The following ZSWIM3 variants were observed in gnomAD, a reference collection of about 807,000 sequenced individuals.
ZSWIM3 encodes zinc finger SWIM-type containing 3.
ZSWIM3 carries 27 observed loss-of-function variants against 47.5 expected under a neutral mutation model. That is an observed-to-expected ratio of 0.57 (90% confidence interval 0.42 to 0.78). The LOEUF (loss-of-function observed/expected upper bound fraction) is 0.78. ZSWIM3 is among the 30% of genes least tolerant of loss of function. The pLI is 0.00. For missense variants in ZSWIM3, 689 were observed against 861.3 expected (o/e 0.80, Z 2.50); for synonymous variants, 333 against 333.9 (o/e 1.00, Z 0.03).
At chr20:45,858,700 GAGCTCCTTAT>G (rs929699989) in intron 1 of ZSWIM3, among the ~76,000 whole-genome samples, 5 of 152,168 alleles carry the variant, frequency 3.3e-5, no homozygotes, top group African/African-American at 1.2e-4. Flanking sequence ...AATGGTTTTT[GAGCTCCTTAT>G]ATTAACCGTT....
chr20:45,878,014 C>T lies in ZSWIM3; in HGVS notation c.1456C>T (p.Gln486Ter), dbSNP rs1158427763. The T allele has an allele frequency of 1.2e-6, 2 of 1,614,062 alleles. No individual in the cohort carries two copies. Among genetic ancestry groups the T allele is most frequent in the South Asian group, 1.1e-5 (1 of 91,092 alleles). ...GCAGGTACAGGTACAGCAGCAGTCA[C>T]AAGTGCCGCCCTCGCAGGTTGGCAT... is the stretch of plus-strand genomic sequence containing the variant. ...AQQVQVQQQS[Q>*]VPPSQVGMLD... Residue 486 changes from glutamine to a stop codon, truncating the protein, a stop_gained, in exon 2 of 2, where the codon CAA (glutamine) becomes TAA (stop). Transcript: ENST00000255152. LOFTEE classifies it high-confidence loss of function.
intron 1 of ZSWIM3, among the ~76,000 whole-genome samples, chr20:45,860,510 CA>C (rs59152975): frequency 0.032 from 3,262 of 101,848 alleles, 11 homozygotes; most frequent in South Asian, 0.073. Context: ...GACTCCATCT[CA>C]AAAAAAAAAA....
At position 45,876,996 on chromosome 20, in the gene ZSWIM3, T is replaced by G. The variant is rs1170781467; in HGVS notation, c.438T>G (p.Val146=). The part of the protein sequence containing the change: ...KDLDTAEKSL[V]EPSFCLDKVQ... Reference sequence around the variant, plus strand: ...TTGACACTGCCGAGAAGTCCCTGGTTGAGCCATCGTTTTGCCTAGATAAGG... The same window carrying G: ...TTGACACTGCCGAGAAGTCCCTGGTGGAGCCATCGTTTTGCCTAGATAAGG... Residue 146 remains valine, a synonymous_variant, in exon 2 of 2, where the codon GTT becomes GTG. Transcript: ENST00000255152. 3 of 1,614,024 alleles carry G rather than the reference T, an allele frequency of 1.9e-6. No homozygotes were observed. Among genetic ancestry groups the G allele is most frequent in the Non-Finnish European group, 2.5e-6 (3 of 1,180,032 alleles).
chr20:45,862,285 T>A (rs958414059), intron 1 of ZSWIM3, among the ~76,000 whole-genome samples: 2 of 142,742 alleles, frequency 1.4e-5, no homozygotes, highest in Non-Finnish European at 3.1e-5. Flanking sequence ...GTAGCTGAGA[T>A]TACAGGCACG....
chr20:45,864,429 T>C (rs1331164330), intron 1 of ZSWIM3, among the ~76,000 whole-genome samples: 1 of 152,138 alleles, frequency 6.6e-6, no homozygotes, highest in African/African-American at 2.4e-5. Context: ...GGGAAATGTT[T>C]TTAGGAGGTA....
rs1837159528 is a variant in ZSWIM3 at position 45,857,708 on chromosome 20, C to A, written c.-118C>A. ...AATAGGCCACCCAGTTGGGGCGGAC[C>A]CTTAAGGCATTCTGGGCCCACGCCT... On this transcript the variant is annotated 5_prime_UTR_variant, in exon 1 of 2. Transcript: ENST00000255152. 1.5e-6 allele frequency: 2 copies of A among 1,304,956 alleles called. No individual in the cohort carries two copies. Among genetic ancestry groups the A allele is most frequent in the Admixed American group, 2.2e-5 (1 of 45,024 alleles). The allele number at this position is 1,304,956 out of a possible 1,614,324, so 80.8% of individuals were successfully genotyped here.
chr20:45,879,039 T>G lies in ZSWIM3; in HGVS notation c.*390T>G, dbSNP rs147795408. ...TTTTCAGGGACAAAGGGAATGAGGATGATCTTTGGCTGTTGCTGCTCTTTA... is the reference window on the plus strand; with the variant it reads ...TTTTCAGGGACAAAGGGAATGAGGAGGATCTTTGGCTGTTGCTGCTCTTTA... On this transcript the variant is annotated 3_prime_UTR_variant, in exon 2 of 2. Coordinates refer to ENST00000255152, the MANE Select transcript of ZSWIM3 (RefSeq NM_080752.4). 5.7e-6 allele frequency: 1 copy of G among 176,512 alleles called. No homozygotes were observed. Among genetic ancestry groups the G allele is most frequent in the East Asian group, 1.6e-4 (1 of 6,404 alleles). The allele number at this position is 176,512 out of a possible 1,614,324, so 10.9% of individuals were successfully genotyped here.
At position 45,878,311 on chromosome 20, in the gene ZSWIM3, CAGA is replaced by C. The variant is rs1197676572; in HGVS notation, c.1759_1761del (p.Lys587del). ...TGAAGCCATGGTGTGCCGCCGGTGG[CAGA>C]AGAAGTACCAGTACCTCCTTGGGCC... On this transcript the variant is annotated inframe_deletion, in exon 2 of 2. Coordinates refer to ENST00000255152, the MANE Select transcript of ZSWIM3 (RefSeq NM_080752.4). 11 of 1,614,120 alleles carry C rather than the reference CAGA, an allele frequency of 6.8e-6. No homozygotes were observed. The highest frequency in any genetic ancestry group is 2.2e-5 in the East Asian group (1 of 44,904).
chr20:45,871,902 C>G (rs189190583), intron 1 of ZSWIM3, among the ~76,000 whole-genome samples: 1 of 151,316 alleles, frequency 6.6e-6, no homozygotes, highest in Admixed American at 6.6e-5. Context: ...GTTTAGAGAT[C>G]CTTAAGGAAG....
At chr20:45,867,117 G>C (rs368857861) in intron 1 of ZSWIM3, among the ~76,000 whole-genome samples, 1 of 146,596 alleles carries the variant, frequency 6.8e-6, no homozygotes, top group Non-Finnish European at 1.5e-5. Context: ...AGCAATTCTC[G>C]TGCCTCAGCC....
At chr20:45,871,119 CA>C (rs1985965431) in intron 1 of ZSWIM3, among the ~76,000 whole-genome samples, 1 of 152,268 alleles carries the variant, frequency 6.6e-6, no homozygotes, top group East Asian at 1.9e-4. Context: ...TATTGAAGCA[CA>C]GACATCTTTT....
intron 1 of ZSWIM3, among the ~76,000 whole-genome samples, chr20:45,873,414 A>T (rs541831619): frequency 6.6e-6 from 1 of 152,198 alleles, no homozygotes; most frequent in African/African-American, 2.4e-5. Context: ...AAAAAAAAGC[A>T]TCTGCTGAAG....
rs534840799 is a variant in ZSWIM3, at chr20:45,876,531, G to A, written c.156-183G>A. Among the ~76,000 whole-genome samples the A allele has an allele frequency of 2.0e-5, 3 of 151,866 alleles. No individual in the cohort carries two copies. The South Asian group carries it at 6.2e-4, about 32-fold the overall frequency. On this transcript the variant is annotated intron_variant, in intron 1 of 1. Transcript: ENST00000255152. ...TTTTTAAATTTTTTGTAGAGCCAGG[G>A]TCTCTCCATGTTGCCCAGGCTGGTC...
At chr20:45,871,776 G>C in intron 1 of ZSWIM3, among the ~76,000 whole-genome samples, 1 of 150,858 alleles carries the variant, frequency 6.6e-6, no homozygotes, top group Admixed American at 6.7e-5. Context: ...CAGAAGAATT[G>C]CTTGAACCCA....
At position 45,857,796 on chromosome 20, in the gene ZSWIM3, C is replaced by T. The variant is rs1371941701; in HGVS notation, c.-30C>T. 1 of 1,609,546 alleles carries T rather than the reference C, an allele frequency of 6.2e-7. No homozygotes were observed. The highest frequency in any genetic ancestry group is 8.5e-7 in the Non-Finnish European group (1 of 1,177,090). On this transcript the variant is annotated 5_prime_UTR_variant, in exon 1 of 2. Coordinates refer to ENST00000255152, the MANE Select transcript of ZSWIM3 (RefSeq NM_080752.4). ...TGTGATCTTGGGCCCGGGCTGGGAC[C>T]AGCCCCTAGTGTGGGTTGTGGGGGC...
chr20:45,869,879 A>G (rs940534372), intron 1 of ZSWIM3, among the ~76,000 whole-genome samples: 4 of 150,944 alleles, frequency 2.6e-5, no homozygotes, highest in African/African-American at 4.9e-5. Context: ...CCCCATCTCT[A>G]CTAAAACTAC....
intron 1 of ZSWIM3, among the ~76,000 whole-genome samples, chr20:45,864,633 C>T (rs79831250): frequency 0.018 from 2,680 of 152,134 alleles, 77 homozygotes; most frequent in South Asian, 0.11. Context: ...GAGGTCGAGG[C>T]GGGCGGATCA....
At position 45,877,248 on chromosome 20, in the gene ZSWIM3, G is replaced by A. The variant is rs769794234; in HGVS notation, c.690G>A (p.Gln230=). The A allele has an allele frequency of 6.2e-7, 1 of 1,614,118 alleles. No individual in the cohort carries two copies. The highest frequency in any genetic ancestry group is 1.7e-5 in the Admixed American group (1 of 60,006). The stretch of plus-strand genomic sequence containing the variant: ...TGCTACACCGGGTGGAGAACACCCA[G>A]GGCCACATCCTCTATGCTTTCTTGG... ...NLLLHRVENT[Q]GHILYAFLVE... Residue 230 remains glutamine, a synonymous_variant, in exon 2 of 2, where the codon CAG becomes CAA. Coordinates refer to ENST00000255152, the MANE Select transcript of ZSWIM3 (RefSeq NM_080752.4).
intron 1 of ZSWIM3, among the ~76,000 whole-genome samples, chr20:45,867,234 T>C (rs1447833786): frequency 6.6e-6 from 1 of 152,076 alleles, no homozygotes; most frequent in Non-Finnish European, 1.5e-5. Context: ...CTCGAACTCC[T>C]GACCTCAAGT....
Sources: gnomAD v4.1 joint callset for allele counts (sites outside exome capture counted in the v4.1 genomes callset) on GRCh38, gnomAD v4.1.1 for gene constraint, MANE v1.5 for transcripts, NCBI Gene and HGNC (gene_info 2026-07-23, HGNC 2026-07-21) for gene names.